ZNG1E: variants seen among roughly 807,000 people sequenced by gnomAD.
ZNG1E encodes Zn regulated GTPase metalloprotein activator 1E.
chr9:65,658,244 C>T, the ZNG1E span, among the ~76,000 whole-genome samples: 29 of 152,190 alleles, frequency 1.9e-4, no homozygotes, highest in South Asian at 4.1e-4. Context: ...ATTGCACCCA[C>T]GAACCAGTCT....
chr9:65,663,056 C>T, the ZNG1E span, among the ~76,000 whole-genome samples: 2 of 152,252 alleles, frequency 1.3e-5, no homozygotes, highest in Admixed American at 6.5e-5. Flanking sequence ...CAAAGGACAC[C>T]AGCCAGGTAG....
chr9:65,684,049 GA>G, the ZNG1E span, among the ~76,000 whole-genome samples: 1 of 152,254 alleles, frequency 6.6e-6, no homozygotes, highest in South Asian at 2.1e-4. Flanking sequence ...GAGGAAGAAA[GA>G]AAAACTAAAG....
At chr9:65,680,425 TCTTA>T in the ZNG1E span, among the ~76,000 whole-genome samples, 1 of 152,124 alleles carries the variant, frequency 6.6e-6, no homozygotes, top group Non-Finnish European at 1.5e-5. Context: ...TTACATTTAT[TCTTA>T]CTATTTTCTT....
chr9:65,717,432 C>T, the ZNG1E span, among the ~76,000 whole-genome samples: 1 of 147,922 alleles, frequency 6.8e-6, no homozygotes, highest in South Asian at 2.1e-4. Context: ...CTGAAATAAC[C>T]AGAAGTCTAG....
the ZNG1E span, among the ~76,000 whole-genome samples, chr9:65,676,806 C>G: frequency 3.6e-3 from 493 of 137,722 alleles, no homozygotes; most frequent in African/African-American, 8.6e-3. Context: ...TGCACTTACA[C>G]TAGAAGTTTC....
At chr9:65,673,978 T>G in the ZNG1E span, among the ~76,000 whole-genome samples, 5 of 152,280 alleles carry the variant, frequency 3.3e-5, no homozygotes, top group Non-Finnish European at 1.5e-5. Flanking sequence ...TGACTGTGGG[T>G]GCAATGTTAC....
the ZNG1E span, among the ~76,000 whole-genome samples, chr9:65,687,892 T>A: frequency 7.3e-5 from 11 of 151,380 alleles, no homozygotes; most frequent in African/African-American, 2.4e-4. Context: ...CTTATAATCA[T>A]TTTTCCCTAA....
the ZNG1E span, among the ~76,000 whole-genome samples, chr9:65,663,185 A>T: frequency 6.6e-6 from 1 of 152,276 alleles, no homozygotes; most frequent in Non-Finnish European, 1.5e-5. Context: ...GTAGCTCCTC[A>T]GGCAAGTCAA....
At chr9:65,708,201 C>T in the ZNG1E span, 5 of 146,260 alleles carry the variant, frequency 3.4e-5, no homozygotes, top group Admixed American at 1.4e-4. Context: ...AAAATTATAA[C>T]TCAATCACCA....
the ZNG1E span, chr9:65,706,929 T>G: frequency 7.2e-6 from 1 of 139,850 alleles, no homozygotes; most frequent in Non-Finnish European, 1.5e-5. Context: ...AGCTATTTCC[T>G]AAGATGAAGA....
chr9:65,678,594 G>A, the ZNG1E span, among the ~76,000 whole-genome samples: 110 of 145,790 alleles, frequency 7.5e-4, 3 homozygotes, highest in Non-Finnish European at 1.2e-3. Context: ...ACAATACTAT[G>A]CAGTTAGGAT....
the ZNG1E span, among the ~76,000 whole-genome samples, chr9:65,673,568 T>A: frequency 9.3e-4 from 142 of 152,300 alleles, no homozygotes; most frequent in Middle Eastern, 3.4e-3. Flanking sequence ...CCTCATAGGT[T>A]ACAGGTTGCT....
At chr9:65,693,467 C>A in the ZNG1E span, 9 of 1,283,214 alleles carry the variant, frequency 7.0e-6, no homozygotes, top group South Asian at 1.1e-4. Context: ...GGATAGGGCC[C>A]AAAGCAGTAA....
chr9:65,676,423 C>G, the ZNG1E span, among the ~76,000 whole-genome samples: 15,993 of 89,120 alleles, frequency 0.18, 4 homozygotes, highest in African/African-American at 0.27. Flanking sequence ...TGACCTCTTA[C>G]CAAGTTATCT....
chr9:65,694,438 CA>C, the ZNG1E span, among the ~76,000 whole-genome samples: 4 of 150,554 alleles, frequency 2.7e-5, no homozygotes, highest in African/African-American at 9.8e-5. Flanking sequence ...TGATGGAGGC[CA>C]AAAAAACAAA....
the ZNG1E span, among the ~76,000 whole-genome samples, chr9:65,670,139 TG>T: frequency 9.9e-6 from 1 of 100,742 alleles, no homozygotes; most frequent in Non-Finnish European, 2.0e-5. Flanking sequence ...TTGTTTCCTT[TG>T]CAGGAAGTTG....
the ZNG1E span, among the ~76,000 whole-genome samples, chr9:65,686,675 T>TA: frequency 6.6e-6 from 1 of 152,172 alleles, no homozygotes; most frequent in Admixed American, 6.6e-5. Flanking sequence ...GTCTGTTACT[T>TA]AGTGTAGCTA....
chr9:65,665,465 G>A, the ZNG1E span, among the ~76,000 whole-genome samples: 39 of 152,138 alleles, frequency 2.6e-4, no homozygotes, highest in African/African-American at 7.5e-4. Flanking sequence ...GGGAAACTCC[G>A]CCTAGATATC....
chr9:65,661,914 CT>C, the ZNG1E span, among the ~76,000 whole-genome samples: 1 of 152,268 alleles, frequency 6.6e-6, no homozygotes, highest in African/African-American at 2.4e-5. Context: ...TTTAATAAAG[CT>C]GTAATTTTGA....
Sources: allele counts gnomAD v4.1 joint callset (sites outside exome capture counted in the v4.1 genomes callset), GRCh38; gene constraint gnomAD v4.1.1; transcripts MANE v1.5; gene names NCBI Gene and HGNC (gene_info 2026-07-23, HGNC 2026-07-21).